The following SUGT1 variants were observed in gnomAD, a reference collection of about 807,000 sequenced individuals.
SUGT1 encodes SGT1 assembly cochaperone of MIS12 kinetochore complex, also known as protein SGT1 homolog.
A neutral mutation model predicts 56.1 loss-of-function variants in SUGT1; 15 were observed. The ratio of observed to expected loss-of-function variants is 0.27; its 90% CI spans 0.18 to 0.41. SUGT1 has a LOEUF of 0.41. Ranked by LOEUF, SUGT1 falls within the 10% of genes least tolerant of loss-of-function variation. The pLI is 1.00. For missense variants in SUGT1, 347 were observed against 382.2 expected, an observed-to-expected ratio of 0.91 and a Z score of 0.77; for synonymous variants, 123 against 128.6, an observed-to-expected ratio of 0.96 and a Z score of 0.30.
chr13:52,655,477 G>A (rs926362125), intron 2 of SUGT1, among the ~76,000 whole-genome samples: 1 of 152,208 alleles, frequency 6.6e-6, no homozygotes, highest in Non-Finnish European at 1.5e-5. Context: ...TAGCGAATTG[G>A]AGGAGGCACA....
chr13:52,682,610 C>T (rs867662090), intron 12 of SUGT1, among the ~76,000 whole-genome samples: 2 of 152,164 alleles, frequency 1.3e-5, no homozygotes, highest in African/African-American at 4.8e-5. Context: ...TGTTCTGGCA[C>T]CTATCTTTTC....
rs548134295 is a variant in SUGT1, at chr13:52,680,061, A to C, written c.806A>C (p.Glu269Ala). The C allele has an allele frequency of 2.1e-5, 34 of 1,599,172 alleles. No homozygotes were observed. The South Asian group carries it at 3.6e-4, about 17-fold the overall frequency. The change falls in exon 12 of 13, where the codon GAA (glutamate) becomes GCA (alanine). Residue 269 changes from glutamate to alanine, a missense_variant. Coordinates refer to ENST00000310528, the MANE Select transcript of SUGT1 (RefSeq NM_006704.5). ...VGEIKEEEKN[E>A]KLEGDAALNR... ...GAGATCAAAGAAGAAGAAAAGAATG[A>C]AAAGTTGGAGGGAGATGCAGCTTTA...
chr13:52,685,605 A>C (rs908436020), intron 12 of SUGT1, among the ~76,000 whole-genome samples: 1 of 152,214 alleles, frequency 6.6e-6, no homozygotes, highest in African/African-American at 2.4e-5. Flanking sequence ...ATAGAATCTG[A>C]ACTCATTTTC....
In SUGT1 at chr13:52,652,984, ATTTAT is replaced by A. The variant is rs760206421; in HGVS notation, c.38+32_38+36del. 1.9e-6 allele frequency: 3 copies of A among 1,614,078 alleles called. No individual in the cohort carries two copies. In the South Asian group the frequency reaches 3.3e-5, roughly 18 times the overall value. On this transcript the variant is annotated intron_variant, in intron 1 of 12. Coordinates refer to ENST00000310528, the MANE Select transcript of SUGT1 (RefSeq NM_006704.5). ...GTGCATGTTTTTCTTTCCCTTTGGT[ATTTAT>A]TTTATCCCCCTTTCCTTGGCTAGTG...
chr13:52,671,929 A>G (rs887439895), intron 10 of SUGT1, among the ~76,000 whole-genome samples: 1 of 152,204 alleles, frequency 6.6e-6, no homozygotes, highest in Non-Finnish European at 1.5e-5. Flanking sequence ...GCTTACAGCA[A>G]ATTATTTCAT....
At chr13:52,674,138 T>C (rs1488519361) in intron 10 of SUGT1, among the ~76,000 whole-genome samples, 1 of 140,162 alleles carries the variant, frequency 7.1e-6, no homozygotes, top group Non-Finnish European at 1.5e-5. Flanking sequence ...CACTGCAGCC[T>C]CCGCCTCCCA....
chr13:52,693,071 T>A lies in SUGT1; in HGVS notation c.*5236T>A, dbSNP rs1436725. 5.9e-5 allele frequency: 9 copies of A among 152,170 alleles called. No individual in the cohort carries two copies. Among genetic ancestry groups the A allele is most frequent in the East Asian group, 5.8e-4 (3 of 5,182 alleles). 9.4% of individuals were successfully genotyped at this position (152,170 alleles called of 1,614,324 possible). ...TATCACTGATTTCTCCAATAAAATT[T>A]GAATATTTCAGGTTATTTCCTTTTT... On this transcript the variant is annotated 3_prime_UTR_variant, in exon 13 of 13. Coordinates refer to ENST00000310528, the MANE Select transcript of SUGT1 (RefSeq NM_006704.5).
rs987245434 is a variant in SUGT1, at chr13:52,691,799, G to C, written c.*3964G>C. 6.6e-6 allele frequency: 1 copy of C among 152,162 alleles called. No individual in the cohort carries two copies. Among genetic ancestry groups the C allele is most frequent in the African/African-American group, 2.4e-5 (1 of 41,424 alleles). The allele number at this position is 152,162 out of a possible 1,614,324, so 9.4% of individuals were successfully genotyped here. ...GACAAAATACTGGTTTCTGTGCAGGGAAGGGTCATATGTAGTTTTAAATAA... is the reference window on the plus strand; with the variant it reads ...GACAAAATACTGGTTTCTGTGCAGGCAAGGGTCATATGTAGTTTTAAATAA... On this transcript the variant is annotated 3_prime_UTR_variant, in exon 13 of 13. Coordinates refer to ENST00000310528, the MANE Select transcript of SUGT1 (RefSeq NM_006704.5).
rs557217213 is a variant in SUGT1 at position 52,688,492 on chromosome 13, A to T, written c.*657A>T. ...AACACACTGCAAGTTTATACTAAGG[A>T]TAATCTGTGAAGGTAGGGCAAAGAA... is the stretch of plus-strand genomic sequence containing the variant. On this transcript the variant is annotated 3_prime_UTR_variant, in exon 13 of 13. Transcript: ENST00000310528. 6.6e-6 allele frequency: 1 copy of T among 152,328 alleles called. No individual in the cohort carries two copies. Among genetic ancestry groups the T allele is most frequent in the South Asian group, 2.1e-4 (1 of 4,828 alleles). The allele number at this position is 152,328 out of a possible 1,614,324, so 9.4% of individuals were successfully genotyped here.
rs766826679 is a variant in SUGT1, at chr13:52,652,953, C to T, written c.33C>T (p.Ser11=). 1.9e-6 allele frequency: 3 copies of T among 1,614,196 alleles called. No individual in the cohort carries two copies. Among genetic ancestry groups the T allele is most frequent in the Non-Finnish European group, 2.5e-6 (3 of 1,180,026 alleles). The change falls in exon 1 of 13, where the codon TCC becomes TCT. Residue 11 remains serine (S), a synonymous_variant. Coordinates refer to ENST00000310528, the MANE Select transcript of SUGT1 (RefSeq NM_006704.5). ...CGGCTGCAGCAGGAACTGCAACATC[C>T]CAGAGGTGCATGTTTTTCTTTCCCT... is the stretch of plus-strand genomic sequence containing the variant. MAAAAAGTAT[S]QRFFQSFSDA...
rs556770051 is a variant in SUGT1 at position 52,695,766 on chromosome 13, C to T, written c.*7931C>T. 1 of 152,338 alleles carries T rather than the reference C, an allele frequency of 6.6e-6. No individual in the cohort carries two copies. Among genetic ancestry groups the T allele is most frequent in the African/African-American group, 2.4e-5 (1 of 41,590 alleles). The allele number at this position is 152,338 out of a possible 1,614,324, so 9.4% of individuals were successfully genotyped here. On this transcript the variant is annotated 3_prime_UTR_variant, in exon 13 of 13. Transcript: ENST00000310528. ...GGTCAAACTTTTTCTGCAAAGGGCA[C>T]TTACAGTCTATTGCATATTCTTTGT... is the stretch of plus-strand genomic sequence containing the variant.
chr13:52,675,171 T>C (rs1259270107), intron 10 of SUGT1, among the ~76,000 whole-genome samples: 2 of 152,204 alleles, frequency 1.3e-5, no homozygotes, highest in Non-Finnish European at 2.9e-5. Flanking sequence ...CCCTTCACAG[T>C]CAGGTGTGCT....
rs543134629 is a variant in SUGT1, at chr13:52,662,514, T to C, written c.329-135T>C. On this transcript the variant is annotated intron_variant, in intron 5 of 12. Coordinates refer to ENST00000310528, the MANE Select transcript of SUGT1 (RefSeq NM_006704.5). ...ATAGTAGAGTTGGTGATAAGGTCTG[T>C]TAAGACAGGTTTTGTTCGCTGCCGA... 27 of 691,852 alleles carry C rather than the reference T, an allele frequency of 3.9e-5. No homozygotes were observed. The South Asian group carries it at 5.8e-4, about 15-fold the overall frequency. 42.9% of individuals were successfully genotyped at this position (691,852 alleles called of 1,614,324 possible). A position where few individuals can be genotyped will look rare whatever the true frequency, so the allele number is the denominator to read the frequency against.
In SUGT1 at chr13:52,665,616, TTTC is replaced by T. The variant is rs899506021; in HGVS notation, c.423-18_423-16del. ...AAAAAAATTAGAAGAGTTACCTAAG[TTTC>T]TTTTTTTTTTTTAATAGGTATGACT... On this transcript the variant is annotated intron_variant, in intron 8 of 12. Coordinates refer to ENST00000310528, the MANE Select transcript of SUGT1 (RefSeq NM_006704.5). 11 of 1,521,326 alleles carry T rather than the reference TTTC, an allele frequency of 7.2e-6. No homozygotes were observed. In the Admixed American group the frequency reaches 7.3e-5, roughly 10 times the overall value. 94.2% of individuals were successfully genotyped at this position (1,521,326 alleles called of 1,614,324 possible).
intron 11 of SUGT1, 27 bp from the exon 12 acceptor site, chr13:52,679,947 T>C (rs4539485): frequency 0.95 from 1,483,538 of 1,561,246 alleles, 705,070 homozygotes; most frequent in East Asian, 0.99. Flanking sequence ...TGTTGATTAA[T>C]TACTTCTGCC....
intron 12 of SUGT1, among the ~76,000 whole-genome samples, chr13:52,681,103 G>C (rs1396899119): frequency 1.3e-5 from 2 of 152,142 alleles, no homozygotes; most frequent in Admixed American, 6.5e-5. Context: ...CTCCCAAAGT[G>C]CTGGGATTAC....
At chr13:52,654,797 T>C (rs1962080151) in intron 2 of SUGT1, among the ~76,000 whole-genome samples, 1 of 152,294 alleles carries the variant, frequency 6.6e-6, no homozygotes, top group African/African-American at 2.4e-5. Context: ...TATTCCATTG[T>C]ATAAATATAT....
intron 2 of SUGT1, 67 bp from the exon 3 acceptor site, chr13:52,657,465 T>A: frequency 3.1e-6 from 4 of 1,303,834 alleles, no homozygotes; most frequent in Non-Finnish European, 4.4e-6. Context: ...TTAAAAATTA[T>A]GTTTTAATTA....
At chr13:52,678,351 C>T (rs117371011) in intron 11 of SUGT1, among the ~76,000 whole-genome samples, 342 of 152,118 alleles carry the variant, frequency 2.2e-3, no homozygotes, top group Non-Finnish European at 3.8e-3. Flanking sequence ...GGGAGAAAGT[C>T]GGTTTACAAG....
Sources: allele counts gnomAD v4.1 joint callset (sites outside exome capture counted in the v4.1 genomes callset), GRCh38; gene constraint gnomAD v4.1.1; transcripts MANE v1.5; gene names NCBI Gene and HGNC (gene_info 2026-07-23, HGNC 2026-07-21).